SBSPON: variants seen among roughly 807,000 people sequenced by gnomAD.
SBSPON encodes the protein somatomedin-B and thrombospondin type-1 domain-containing protein.
In SBSPON, 30 loss-of-function variants were observed where a neutral mutation model predicts 35.8. The observed-to-expected ratio is 0.84, with a 90% CI of 0.63 to 1.14. The LOEUF (loss-of-function observed/expected upper bound fraction) is 1.14, where lower values mean the gene tolerates loss of function less well. SBSPON is among the 50% of genes most tolerant of loss of function. The pLI is 0.00. For missense variants in SBSPON, 364 were observed against 357.7 expected (o/e 1.02, Z -0.14); for synonymous variants, 136 against 135.9 (o/e 1.00, Z 0.00).
intron 3 of SBSPON, 35 bp downstream of exon 3, chr8:73,071,745 A>G (rs1810494604): frequency 8.0e-7 from 1 of 1,254,514 alleles, no homozygotes; most frequent in Non-Finnish European, 1.1e-6. Flanking sequence ...ACAATTGAAA[A>G]ACATGATTAA....
Position 73,066,120 on chromosome 8 carries a change from A to G in SBSPON, c.*1221T>C, listed in dbSNP as rs1044136199. 1.3e-4 allele frequency: 20 copies of G among 152,330 alleles called. No individual in the cohort carries two copies. Among genetic ancestry groups the G allele is most frequent in the African/African-American group, 4.1e-4 (17 of 41,562 alleles). 9.4% of individuals were successfully genotyped at this position (152,330 alleles called of 1,614,324 possible). A position where few individuals can be genotyped will look rare whatever the true frequency, so the allele number is the denominator to read the frequency against. ...ATCATTTGTTAGTGAATATTATTCA[A>G]TTGAAACCAAAGAAATCTCATGTAG... is the stretch of plus-strand genomic sequence containing the variant. On this transcript the variant is annotated 3_prime_UTR_variant, in exon 5 of 5. Transcript: ENST00000297354.
At chr8:73,075,277 G>C (rs1408146715) in intron 2 of SBSPON, among the ~76,000 whole-genome samples, 1 of 152,170 alleles carries the variant, frequency 6.6e-6, no homozygotes, top group Non-Finnish European at 1.5e-5. Context: ...CCAGGCCTTG[G>C]GCTTGGTGGT....
At chr8:73,071,920 C>T (rs1810500703) in intron 2 of SBSPON, 50 bp from the exon 3 acceptor site, 1 of 1,216,816 alleles carries the variant, frequency 8.2e-7, no homozygotes, top group Non-Finnish European at 1.2e-6. Flanking sequence ...GTACTCAGAC[C>T]ATCGTTTCCC....
Position 73,065,997 on chromosome 8 carries a change from A to G in SBSPON, c.*1344T>C, listed in dbSNP as rs1469884754. ...TGAAAATACAGTAAAAAATATTGCT[A>G]CTCTCGGTGTTATTAATTATTGGGG... On this transcript the variant is annotated 3_prime_UTR_variant, in exon 5 of 5. Coordinates refer to ENST00000297354, the MANE Select transcript of SBSPON (RefSeq NM_153225.4). The G allele has an allele frequency of 6.6e-6, 1 of 151,106 alleles. No individual in the cohort carries two copies. Among genetic ancestry groups the G allele is most frequent in the Non-Finnish European group, 1.5e-5 (1 of 67,710 alleles). The allele number at this position is 151,106 out of a possible 1,614,324, so 9.4% of individuals were successfully genotyped here. A position where few individuals can be genotyped will look rare whatever the true frequency, so the allele number is the denominator to read the frequency against.
rs780565890 is a variant in SBSPON, at chr8:73,071,772, G to A, written c.500+8C>T. 168 of 1,477,340 alleles carry A rather than the reference G, an allele frequency of 1.1e-4. 3 individuals carry two copies. The highest frequency in any genetic ancestry group is 1.4e-4 in the Non-Finnish European group (153 of 1,077,676). The allele number at this position is 1,477,340 out of a possible 1,614,324, so 91.5% of individuals were successfully genotyped here. A position where few individuals can be genotyped will look rare whatever the true frequency, so the allele number is the denominator to read the frequency against. On this transcript the variant is annotated splice_region_variant and intron_variant, in intron 3 of 4. Transcript: ENST00000297354. ...CATGATTAAAAAAAAAAAAAAACAC[G>A]AAATTACCCAGCATCCTCTGTGTGT...
chr8:73,088,192 A>C (rs1165598783), intron 1 of SBSPON, among the ~76,000 whole-genome samples: 1 of 152,238 alleles, frequency 6.6e-6, no homozygotes, highest in East Asian at 1.9e-4. Context: ...TTTACTTAGA[A>C]AAAGAAATGC....
intron 2 of SBSPON, among the ~76,000 whole-genome samples, chr8:73,077,605 G>A (rs1427901361): frequency 6.6e-6 from 1 of 152,234 alleles, no homozygotes; most frequent in Non-Finnish European, 1.5e-5. Context: ...GCACACACAG[G>A]AGGTGCTCAG....
intron 1 of SBSPON, among the ~76,000 whole-genome samples, chr8:73,082,423 A>T (rs1810725382): frequency 6.6e-6 from 1 of 152,188 alleles, no homozygotes; most frequent in Non-Finnish European, 1.5e-5. Flanking sequence ...TGAAAGCTTG[A>T]CTTGAACTTC....
rs914414693 is a variant in SBSPON, at chr8:73,069,995, A to G, written c.501-14T>C. 1.2e-5 allele frequency: 18 copies of G among 1,516,180 alleles called. No homozygotes were observed. Among genetic ancestry groups the G allele is most frequent in the Non-Finnish European group, 1.6e-5 (18 of 1,120,432 alleles). The allele number at this position is 1,516,180 out of a possible 1,614,324, so 93.9% of individuals were successfully genotyped here. ...TCCATACAGTATCTACAGCAAAAGA[A>G]GTAACAATGACACTTGCTGTAATGA... On this transcript the variant is annotated splice_polypyrimidine_tract_variant and intron_variant, in intron 3 of 4. Transcript: ENST00000297354.
chr8:73,074,621 T>C lies in SBSPON; in HGVS notation c.410-2751A>G, dbSNP rs971903170. ...ATAGATGACAAAGTTCCAGTACTGT[T>C]TGCAGCATCTTTCCCATGAATTATT... On this transcript the variant is annotated intron_variant, in intron 2 of 4. Transcript: ENST00000297354. 1.6e-5 allele frequency: 15 copies of C among 960,656 alleles called. No individual in the cohort carries two copies. In the African/African-American group the frequency reaches 2.5e-4, roughly 16 times the overall value. The allele number at this position is 960,656 out of a possible 1,614,324, so 59.5% of individuals were successfully genotyped here.
At chr8:73,089,646 T>C (rs1810895865) in intron 1 of SBSPON, among the ~76,000 whole-genome samples, 1 of 152,214 alleles carries the variant, frequency 6.6e-6, no homozygotes. Context: ...AAAATGTATT[T>C]ATGATTTAAT....
chr8:73,067,178 T>C lies in SBSPON; in HGVS notation c.*163A>G. 1 of 525,980 alleles carries C rather than the reference T, an allele frequency of 1.9e-6. No individual in the cohort carries two copies. Among genetic ancestry groups the C allele is most frequent in the East Asian group, 3.0e-5 (1 of 33,852 alleles). The allele number at this position is 525,980 out of a possible 1,614,324, so 32.6% of individuals were successfully genotyped here. A position where few individuals can be genotyped will look rare whatever the true frequency, so the allele number is the denominator to read the frequency against. ...AGTTAAAATAAAAATAAAGGACCTG[T>C]GTTCCTTGAGAACTGGCCCCTAAAT... On this transcript the variant is annotated 3_prime_UTR_variant, in exon 5 of 5. Coordinates refer to ENST00000297354, the MANE Select transcript of SBSPON (RefSeq NM_153225.4).
At chr8:73,076,431 C>A (rs1810595767) in intron 2 of SBSPON, among the ~76,000 whole-genome samples, 1 of 152,054 alleles carries the variant, frequency 6.6e-6, no homozygotes, top group African/African-American at 2.4e-5. Flanking sequence ...ATCACAGGAT[C>A]CTAAGAAAGA....
At chr8:73,069,285 C>A (rs1229831111) in intron 4 of SBSPON, among the ~76,000 whole-genome samples, 1 of 147,522 alleles carries the variant, frequency 6.8e-6, no homozygotes, top group Non-Finnish European at 1.5e-5. Context: ...CTCCAATATC[C>A]TTTTTTTTTT....
chr8:73,080,927 C>A (rs1810685071), intron 2 of SBSPON, 92 bp downstream of exon 2: 1 of 1,130,538 alleles, frequency 8.8e-7, no homozygotes, highest in Non-Finnish European at 1.2e-6. Context: ...GTGCATGGAA[C>A]CTTCCCTGCA....
At chr8:73,085,378 T>C (rs1810803710) in intron 1 of SBSPON, 1 of 152,154 alleles carries the variant, frequency 6.6e-6, no homozygotes, top group Admixed American at 6.5e-5. Context: ...CAAAATGGCA[T>C]TTCCTTTCAT....
At chr8:73,083,318 T>C (rs1469505790) in intron 1 of SBSPON, among the ~76,000 whole-genome samples, 3 of 152,196 alleles carry the variant, frequency 2.0e-5, no homozygotes, top group African/African-American at 4.8e-5. Flanking sequence ...TCTCAATAGC[T>C]TCATTATGAG....
intron 2 of SBSPON, among the ~76,000 whole-genome samples, chr8:73,077,280 C>T (rs1019235732): frequency 6.6e-6 from 1 of 152,234 alleles, no homozygotes; most frequent in African/African-American, 2.4e-5. Flanking sequence ...TACACTCCTT[C>T]ACGGGGTTGC....
chr8:73,072,316 CAAA>C (rs982802939), intron 2 of SBSPON, among the ~76,000 whole-genome samples: 33 of 151,758 alleles, frequency 2.2e-4, no homozygotes, highest in African/African-American at 7.5e-4. Context: ...AGAGAGAAGA[CAAA>C]AGAGAGTAAA....
Sources: gnomAD v4.1 joint callset for allele counts (sites outside exome capture counted in the v4.1 genomes callset) on GRCh38, gnomAD v4.1.1 for gene constraint, MANE v1.5 for transcripts, NCBI Gene and HGNC (gene_info 2026-07-23, HGNC 2026-07-21) for gene names.